The following MPPED1 variants were observed in gnomAD, a reference collection of about 807,000 sequenced individuals.
MPPED1 encodes the protein metallophosphoesterase domain containing 1.
Under a neutral mutation model 36.2 loss-of-function variants are expected in MPPED1, and 16 were observed. The ratio of observed to expected loss-of-function variants is 0.44; its 90% CI spans 0.30 to 0.67. The LOEUF (loss-of-function observed/expected upper bound fraction) is 0.67, where lower values mean the gene tolerates loss of function less well. MPPED1 is among the 30% of genes least tolerant of loss of function. The probability of loss-of-function intolerance (pLI) is 0.10; values close to 1 mark genes in which losing one functional copy is unlikely to be tolerated. For missense variants in MPPED1, 307 were observed against 453.4 expected, an observed-to-expected ratio of 0.68 and a Z score of 2.93; for synonymous variants, 199 against 191.3, an observed-to-expected ratio of 1.04 and a Z score of -0.33.
At chr22:43,477,325 T>C (rs771233172) in intron 4 of MPPED1, among the ~76,000 whole-genome samples, 1 of 152,200 alleles carries the variant, frequency 6.6e-6, no homozygotes, top group Non-Finnish European at 1.5e-5. Context: ...TCAGGCCCTG[T>C]CTGGGGCTGG....
At chr22:43,449,422 A>ACCCCCCCCCCCCCCCCCCCCAC (rs135045) in intron 3 of MPPED1, among the ~76,000 whole-genome samples, 2 of 127,332 alleles carry the variant, frequency 1.6e-5, no homozygotes, top group African/African-American at 2.9e-5. Flanking sequence ...GACAGTGCCA[A>ACCCCCCCCCCCCCCCCCCCCAC]CCCCCCCCGC....
intron 3 of MPPED1, among the ~76,000 whole-genome samples, chr22:43,470,385 C>T (rs1166628981): frequency 6.6e-6 from 1 of 152,134 alleles, no homozygotes; most frequent in East Asian, 1.9e-4. Flanking sequence ...AGCACCCATT[C>T]ATCCACTCAT....
At chr22:43,415,225 C>CAAA (rs34357060) in intron 1 of MPPED1, among the ~76,000 whole-genome samples, 6,478 of 48,726 alleles carry the variant, frequency 0.13, 381 homozygotes, top group East Asian at 0.38. Context: ...ATGTCAAAAG[C>CAAA]AAAAAAAAAA....
At chr22:43,456,296 T>G (rs988416610) in intron 3 of MPPED1, among the ~76,000 whole-genome samples, 2 of 152,178 alleles carry the variant, frequency 1.3e-5, no homozygotes, top group Non-Finnish European at 2.9e-5. Flanking sequence ...ATGTATGTAT[T>G]TATTTGTTTA....
At chr22:43,433,110 G>T (rs1407967224) in intron 2 of MPPED1, among the ~76,000 whole-genome samples, 1 of 152,052 alleles carries the variant, frequency 6.6e-6, no homozygotes, top group African/African-American at 2.4e-5. Flanking sequence ...GTCTGTCATG[G>T]GGAGTGGGGG....
chr22:43,441,991 G>A (rs570385336), intron 3 of MPPED1, among the ~76,000 whole-genome samples: 6 of 152,290 alleles, frequency 3.9e-5, no homozygotes, highest in African/African-American at 1.4e-4. Flanking sequence ...GAAAGGAGCA[G>A]GTGGGGCCTC....
chr22:43,469,786 CAGACCT>C (rs1238179787), intron 3 of MPPED1, among the ~76,000 whole-genome samples: 2 of 152,174 alleles, frequency 1.3e-5, no homozygotes, highest in Non-Finnish European at 2.9e-5. Context: ...AGGAGACAGT[CAGACCT>C]AGCTAAGGAT....
chr22:43,461,892 T>C (rs1327395687), intron 3 of MPPED1, among the ~76,000 whole-genome samples: 1 of 152,160 alleles, frequency 6.6e-6, no homozygotes, highest in Non-Finnish European at 1.5e-5. Context: ...ATATTGCCTG[T>C]TTTGTGGGAC....
intron 6 of MPPED1, among the ~76,000 whole-genome samples, chr22:43,504,827 T>C (rs569458594): frequency 2.3e-3 from 342 of 150,278 alleles, no homozygotes; most frequent in African/African-American, 8.1e-3. Flanking sequence ...GTGGTGATGA[T>C]TGTAGTGATG....
intron 2 of MPPED1, among the ~76,000 whole-genome samples, chr22:43,434,039 C>T (rs1176649878): frequency 6.6e-6 from 1 of 152,196 alleles, no homozygotes; most frequent in Non-Finnish European, 1.5e-5. Flanking sequence ...TCTTAGCCCA[C>T]GTCCACATTT....
At chr22:43,450,645 T>A (rs1930531618) in intron 3 of MPPED1, among the ~76,000 whole-genome samples, 1 of 152,220 alleles carries the variant, frequency 6.6e-6, no homozygotes, top group Non-Finnish European at 1.5e-5. Context: ...CAGGCAGCCA[T>A]TGCTCTGGTG....
chr22:43,430,962 A>G (rs977068567), intron 2 of MPPED1, among the ~76,000 whole-genome samples: 5 of 145,352 alleles, frequency 3.4e-5, no homozygotes, highest in African/African-American at 1.3e-4. Flanking sequence ...AGCTTCAGGT[A>G]TAGCTGGATC....
At chr22:43,491,950 C>T (rs866529421) in intron 4 of MPPED1, among the ~76,000 whole-genome samples, 608 of 47,356 alleles carry the variant, frequency 0.013, 2 homozygotes, top group African/African-American at 0.048. Context: ...ATGATGGAGG[C>T]GGTGGTGATG....
At chr22:43,483,051 G>C (rs1444584377) in intron 4 of MPPED1, among the ~76,000 whole-genome samples, 1 of 152,226 alleles carries the variant, frequency 6.6e-6, no homozygotes, top group East Asian at 1.9e-4. Context: ...TGAGAGGTCT[G>C]AGACCCCAGC....
chr22:43,417,446 G>GC (rs1435260708), intron 1 of MPPED1, among the ~76,000 whole-genome samples: 15 of 116,818 alleles, frequency 1.3e-4, no homozygotes, highest in African/African-American at 4.1e-4. Flanking sequence ...GAGTCCCTCT[G>GC]CTTTTTTTTT....
intron 2 of MPPED1, among the ~76,000 whole-genome samples, chr22:43,434,767 C>T (rs1347151691): frequency 1.3e-5 from 2 of 152,244 alleles, no homozygotes; most frequent in Non-Finnish European, 2.9e-5. Flanking sequence ...TTAACCTTCC[C>T]AACAGCCCCC....
intron 1 of MPPED1, among the ~76,000 whole-genome samples, chr22:43,414,758 C>G (rs1345601630): frequency 6.6e-6 from 1 of 152,156 alleles, no homozygotes; most frequent in African/African-American, 2.4e-5. Context: ...AAAAAAGGGT[C>G]TTTTCACGAA....
chr22:43,429,605 A>G (rs1184786225), intron 2 of MPPED1, among the ~76,000 whole-genome samples: 1 of 152,218 alleles, frequency 6.6e-6, no homozygotes, highest in Non-Finnish European at 1.5e-5. Context: ...CTTGTGGCCC[A>G]CGCTTTGTGG....
intron 4 of MPPED1, among the ~76,000 whole-genome samples, chr22:43,489,327 T>C (rs1334995724): frequency 2.0e-5 from 3 of 152,148 alleles, no homozygotes; most frequent in African/African-American, 7.2e-5. Flanking sequence ...CCAGGCCTCA[T>C]GTGTGGCTCA....
Sources: gnomAD v4.1 joint callset for allele counts (sites outside exome capture counted in the v4.1 genomes callset) on GRCh38, gnomAD v4.1.1 for gene constraint, MANE v1.5 for transcripts, NCBI Gene and HGNC (gene_info 2026-07-23, HGNC 2026-07-21) for gene names.